HPCAL1: variants seen among roughly 807,000 people sequenced by gnomAD.
The protein encoded by HPCAL1 is hippocalcin-like protein 1.
In HPCAL1, 8 loss-of-function variants were observed where a neutral mutation model predicts 17.1. The ratio of observed to expected loss-of-function variants is 0.47; its 90% confidence interval spans 0.27 to 0.84. The LOEUF (loss-of-function observed/expected upper bound fraction) is 0.84, where lower values mean the gene tolerates loss of function less well. HPCAL1 is among the 40% of genes least tolerant of loss of function. The probability of loss-of-function intolerance (pLI) is 0.13; values close to 1 mark genes in which losing one functional copy is unlikely to be tolerated. For synonymous variants in HPCAL1, 112 were observed against 111.4 expected (o/e 1.01, Z -0.03); for missense variants, 165 against 271.1 (o/e 0.61, Z 2.75).
intron 1 of HPCAL1, among the ~76,000 whole-genome samples, chr2:10,374,843 G>A (rs540409902): frequency 6.6e-6 from 1 of 152,226 alleles, no homozygotes; most frequent in Non-Finnish European, 1.5e-5. Context: ...GTTGGCTGTT[G>A]CTGTGTCCTC....
intron 2 of HPCAL1, among the ~76,000 whole-genome samples, chr2:10,407,024 A>G (rs1329636654): frequency 9.9e-5 from 15 of 152,052 alleles, no homozygotes; most frequent in Admixed American, 9.8e-4. Flanking sequence ...TGTTCGCTCT[A>G]TGATGACGCC....
chr2:10,399,562 C>CCACCAT (rs1669448692), intron 2 of HPCAL1, among the ~76,000 whole-genome samples: 5 of 39,130 alleles, frequency 1.3e-4, no homozygotes, highest in African/African-American at 4.2e-4. Flanking sequence ...ACCACTACCG[C>CCACCAT]CACCGCCACC....
In HPCAL1 at chr2:10,362,551, T is replaced by C. The variant is rs540883119; in HGVS notation, c.-110-34284T>C. Among the ~76,000 whole-genome samples the C allele has an allele frequency of 6.8e-3, 1,041 of 152,290 alleles. 6 individuals are homozygous for C. The highest frequency in any genetic ancestry group is 0.012 in the Non-Finnish European group (812 of 68,022). On this transcript the variant is annotated intron_variant, in intron 1 of 4. Coordinates refer to ENST00000307845, the MANE Select transcript of HPCAL1 (RefSeq NM_002149.4). The surrounding 1 kb of genome is among the most constrained non-coding windows in gnomAD (Gnocchi z 5.0). Reference sequence around the variant, plus strand: ...AGGAAAGGAAAGGTGAGCTGGGCGATGGGGAAGGCCTCCACGGTGTTCTGT... The same window carrying C: ...AGGAAAGGAAAGGTGAGCTGGGCGACGGGGAAGGCCTCCACGGTGTTCTGT...
At chr2:10,410,014 T>C (rs1201618809) in intron 2 of HPCAL1, among the ~76,000 whole-genome samples, 1 of 149,420 alleles carries the variant, frequency 6.7e-6, no homozygotes, top group South Asian at 2.2e-4. Context: ...GGTCTTGAAC[T>C]CCTGAGCTCA....
At chr2:10,380,042 T>G (rs1214927299) in intron 1 of HPCAL1, among the ~76,000 whole-genome samples, 1 of 152,138 alleles carries the variant, frequency 6.6e-6, no homozygotes, top group Non-Finnish European at 1.5e-5. Context: ...AGGCAGGAAT[T>G]AGAACCACTT....
chr2:10,407,515 G>A (rs1205760909), intron 2 of HPCAL1, among the ~76,000 whole-genome samples: 2 of 151,654 alleles, frequency 1.3e-5, no homozygotes, highest in South Asian at 2.1e-4. Context: ...TGGGCCCTGT[G>A]GGGGTACAGT....
intron 1 of HPCAL1, among the ~76,000 whole-genome samples, chr2:10,364,511 G>A (rs1023723721): frequency 2.0e-5 from 3 of 152,192 alleles, no homozygotes; most frequent in Non-Finnish European, 4.4e-5. Context: ...GAGACTCCTC[G>A]CTGCTTCCCT....
intron 1 of HPCAL1, among the ~76,000 whole-genome samples, chr2:10,369,966 C>G (rs1051790449): frequency 3.9e-5 from 6 of 152,214 alleles, no homozygotes; most frequent in Non-Finnish European, 5.9e-5. Context: ...TATACTTAGC[C>G]CTTATCTCAA....
intron 1 of HPCAL1, among the ~76,000 whole-genome samples, chr2:10,389,752 G>T (rs569347246): frequency 6.3e-4 from 96 of 152,334 alleles, no homozygotes; most frequent in African/African-American, 2.2e-3. Context: ...GGACTCTGTT[G>T]TGACTGTACT....
chr2:10,412,002 G>A (rs1460582184), intron 2 of HPCAL1, among the ~76,000 whole-genome samples: 1 of 152,168 alleles, frequency 6.6e-6, no homozygotes, highest in Non-Finnish European at 1.5e-5. Context: ...TTACCTGACC[G>A]CTGAGTCGCA....
rs938509727 is a variant in HPCAL1 at position 10,394,601 on chromosome 2, C to T, written c.-110-2234C>T. Reference sequence around the variant, plus strand: ...TTGTCAAAGCCCACGGAGTGGCCCACGCCAAGAGGGAACCCTAACGTGAGC... The same window carrying T: ...TTGTCAAAGCCCACGGAGTGGCCCATGCCAAGAGGGAACCCTAACGTGAGC... On this transcript the variant is annotated intron_variant, in intron 1 of 4. Coordinates refer to ENST00000307845, the MANE Select transcript of HPCAL1 (RefSeq NM_002149.4). The surrounding 1 kb of genome is among the most constrained non-coding windows in gnomAD (Gnocchi z 5.0). Among the ~76,000 whole-genome samples the T allele has an allele frequency of 1.2e-4, 18 of 152,136 alleles. No individual in the cohort carries two copies. Among genetic ancestry groups the T allele is most frequent in the African/African-American group, 2.9e-4 (12 of 41,434 alleles).
At chr2:10,397,783 C>T (rs1216126272) in intron 2 of HPCAL1, among the ~76,000 whole-genome samples, 1 of 152,162 alleles carries the variant, frequency 6.6e-6, no homozygotes, top group Non-Finnish European at 1.5e-5. Context: ...GTCTGGAGAG[C>T]CTGCCAGCCA....
chr2:10,325,238 C>T (rs1054598211), intron 1 of HPCAL1, among the ~76,000 whole-genome samples: 1 of 152,176 alleles, frequency 6.6e-6, no homozygotes, highest in Non-Finnish European at 1.5e-5. Context: ...CGTCATAGCT[C>T]ACTGCAGCCT....
chr2:10,305,971 C>T (rs1418356174), intron 1 of HPCAL1, among the ~76,000 whole-genome samples: 3 of 152,226 alleles, frequency 2.0e-5, no homozygotes, highest in East Asian at 1.9e-4. Flanking sequence ...AGGTCTGCAG[C>T]GCGGGTACAG....
rs147475727 is a variant in HPCAL1 at position 10,419,993 on chromosome 2, C to G, written c.236C>G (p.Thr79Ser). The G allele has an allele frequency of 5.6e-5, 91 of 1,614,000 alleles. No homozygotes were observed. The highest frequency in any genetic ancestry group is 8.3e-5 in the Admixed American group (5 of 60,020). ...ACCTTCGACACCAACGGCGACGGCA[C>G]CATCGACTTCCGGGAGTTCATCATT... ...FRTFDTNGDG[T>S]IDFREFIIAL... Residue 79 changes from threonine to serine, a missense_variant, in exon 3 of 5, where the codon ACC (threonine) becomes AGC (serine). By Grantham distance (58) the Thr-to-Ser change is moderately conservative. Coordinates refer to ENST00000307845, the MANE Select transcript of HPCAL1 (RefSeq NM_002149.4). This position sits in a 1 kb window ranked among gnomAD's most constrained non-coding sequence, Gnocchi z 5.0.
intron 1 of HPCAL1, among the ~76,000 whole-genome samples, chr2:10,325,408 T>C (rs1406301396): frequency 6.6e-6 from 1 of 152,220 alleles, no homozygotes; most frequent in Non-Finnish European, 1.5e-5. Flanking sequence ...ACACCGGGAC[T>C]CAGAGGGTGA....
chr2:10,309,353 GA>G (rs1662815015), intron 1 of HPCAL1, among the ~76,000 whole-genome samples: 1 of 152,126 alleles, frequency 6.6e-6, no homozygotes, highest in South Asian at 2.1e-4. Flanking sequence ...TTTTCTAAAT[GA>G]AAAAACTGAG....
In HPCAL1 at chr2:10,332,283, T is replaced by C. The variant is rs10174603; in HGVS notation, c.-111+29106T>C. Among the ~76,000 whole-genome samples, 54 of 152,054 alleles carry C rather than the reference T, an allele frequency of 3.6e-4. 1 individual carries two copies. Among genetic ancestry groups the C allele is most frequent in the African/African-American group, 1.3e-3 (53 of 41,488 alleles). On this transcript the variant is annotated intron_variant, in intron 1 of 4. Transcript: ENST00000307845. The stretch of plus-strand genomic sequence containing the variant: ...CTCCTTCTCCATCTGATCTGAGCAT[T>C]TACCATTTCCTTCCATTTAAGCTTC...
At position 10,331,412 on chromosome 2, in the gene HPCAL1, G is replaced by A. The variant is rs1664368912; in HGVS notation, c.-111+28235G>A. On this transcript the variant is annotated intron_variant, in intron 1 of 4. Coordinates refer to ENST00000307845, the MANE Select transcript of HPCAL1 (RefSeq NM_002149.4). This position sits in a 1 kb window ranked among gnomAD's most constrained non-coding sequence, Gnocchi z 5.0. ...GAGCTCGGAGTTCTGCAGGCACGGG[G>A]CTGGCTCCTTTCTTCATGTCCCTTG... Among the ~76,000 whole-genome samples, 1 of 152,166 alleles carries A rather than the reference G, an allele frequency of 6.6e-6. No homozygotes were observed. The highest frequency in any genetic ancestry group is 1.5e-5 in the Non-Finnish European group (1 of 68,018).
Sources: allele counts gnomAD v4.1 joint callset (sites outside exome capture counted in the v4.1 genomes callset), GRCh38; gene constraint gnomAD v4.1.1; non-coding constraint Gnocchi (gnomAD v3.1); transcripts MANE v1.5; gene names NCBI Gene and HGNC (gene_info 2026-07-23, HGNC 2026-07-21).